NDUFA9: variants seen among roughly 807,000 people sequenced by gnomAD.
The protein encoded by NDUFA9 is NADH:ubiquinone oxidoreductase subunit A9, also known as NADH dehydrogenase [ubiquinone] 1 alpha subcomplex subunit 9, mitochondrial.
Under a neutral mutation model 45.9 loss-of-function variants are expected in NDUFA9, and 23 were observed. The observed-to-expected ratio is 0.50, with a 90% CI of 0.36 to 0.71. NDUFA9 has a LOEUF of 0.71. Ranked by LOEUF, NDUFA9 falls within the 30% of genes least tolerant of loss-of-function variation. The pLI, the probability that NDUFA9 is intolerant of heterozygous loss-of-function variation, is 0.00. For synonymous variants in NDUFA9, 176 were observed against 170.5 expected (o/e 1.03, Z -0.25); for missense variants, 466 against 488.2 (o/e 0.95, Z 0.43).
chr12:4,673,515 G>T (rs1306617509), intron 8 of NDUFA9, among the ~76,000 whole-genome samples: 5 of 152,128 alleles, frequency 3.3e-5, no homozygotes, highest in African/African-American at 1.2e-4. Context: ...CACAGCACGA[G>T]AACTTTGTGA....
chr12:4,649,639 A>G (rs532424490), intron 1 of NDUFA9, among the ~76,000 whole-genome samples: 1 of 152,296 alleles, frequency 6.6e-6, no homozygotes, highest in South Asian at 2.1e-4. Flanking sequence ...ATATTACAAT[A>G]CCAGGGAGTC....
In NDUFA9 at chr12:4,668,506, AG is replaced by A. The variant is rs749710181; in HGVS notation, c.706del (p.Val236LeufsTer8). 6.2e-7 allele frequency: 1 copy of A among 1,612,990 alleles called. No homozygotes were observed. Among genetic ancestry groups the A allele is most frequent in the South Asian group, 1.1e-5 (1 of 91,048 alleles). The stretch of plus-strand genomic sequence containing the variant: ...CCCTTGGTTCCTTGGGCTGGAAGAC[AG>A]TTAAACAACCAGTATATGTAAGTAC... ...IPLGSLGWKT[V>X]KQPVYVVDVS... On this transcript the variant is annotated frameshift_variant, in exon 7 of 11. Transcript: ENST00000266544. LOFTEE classifies it high-confidence loss of function.
At chr12:4,685,083 G>C (rs1332973925) in intron 9 of NDUFA9, 176 bp from the exon 10 acceptor site, 1 of 707,766 alleles carries the variant, frequency 1.4e-6, no homozygotes, top group Non-Finnish European at 2.6e-6. Context: ...GGCTTGAGAG[G>C]AGATGGACCA....
At chr12:4,682,161 T>G in intron 8 of NDUFA9, 44 bp from the exon 9 acceptor site, 35 of 1,408,640 alleles carry the variant, frequency 2.5e-5, no homozygotes, top group East Asian at 4.6e-5. Context: ...GGAAACTTTG[T>G]GAGAAGCGTG....
intron 8 of NDUFA9, among the ~76,000 whole-genome samples, chr12:4,678,286 A>G (rs1220294226): frequency 6.6e-6 from 1 of 152,198 alleles, no homozygotes; most frequent in Admixed American, 6.5e-5. Context: ...GTATAATTAA[A>G]AAAAAAATTT....
rs1390729528 is a variant in NDUFA9 at position 4,688,805 on chromosome 12, C to T, written c.*1697C>T. 1.3e-5 allele frequency: 2 copies of T among 152,204 alleles called. No homozygotes were observed. The highest frequency in any genetic ancestry group is 4.8e-5 in the African/African-American group (2 of 41,440). The allele number at this position is 152,204 out of a possible 1,614,324, so 9.4% of individuals were successfully genotyped here. On this transcript the variant is annotated 3_prime_UTR_variant, in exon 11 of 11. Transcript: ENST00000266544. Reference sequence around the variant, plus strand: ...GGAAAGGAACACAAACCCAACTTCACGTTTTTTCTTCAGATGCTGTCTGTT... The same window carrying T: ...GGAAAGGAACACAAACCCAACTTCATGTTTTTTCTTCAGATGCTGTCTGTT...
At position 4,652,323 on chromosome 12, in the gene NDUFA9, AAAAC is replaced by A. The variant is rs147230662; in HGVS notation, c.50-1956_50-1953del. 3.5e-3 allele frequency among the ~76,000 whole-genome samples: 535 copies of A among 152,334 alleles called. 2 individuals are homozygous for A. Among genetic ancestry groups the A allele is most frequent in the African/African-American group, 0.012 (510 of 41,564 alleles). ...AGCACATAAATGTTAACTCATATTTAAAACAAACAAACAAACCTATTCCTGTCCT... is the reference window on the plus strand; with the variant it reads ...AGCACATAAATGTTAACTCATATTTAAAACAAACAAACCTATTCCTGTCCT... On this transcript the variant is annotated intron_variant, in intron 1 of 10. Transcript: ENST00000266544.
intron 3 of NDUFA9, 186 bp from the exon 4 acceptor site, chr12:4,657,562 G>T (rs183698441): frequency 1.1e-5 from 6 of 570,976 alleles, no homozygotes; most frequent in African/African-American, 9.4e-5. Flanking sequence ...CTCGGAAAGA[G>T]TGAGGGAATC....
chr12:4,670,422 A>G (rs1945879394), intron 8 of NDUFA9, among the ~76,000 whole-genome samples: 2 of 152,226 alleles, frequency 1.3e-5, no homozygotes, highest in Non-Finnish European at 2.9e-5. Flanking sequence ...GTTGAGAGGT[A>G]TCAAATTCAC....
intron 10 of NDUFA9, among the ~76,000 whole-genome samples, chr12:4,686,696 G>A (rs933092396): frequency 2.0e-5 from 3 of 152,052 alleles, no homozygotes; most frequent in African/African-American, 7.3e-5. Flanking sequence ...CTGTGCTCGC[G>A]GCTGCCACTG....
At position 4,654,218 on chromosome 12, in the gene NDUFA9, A is replaced by G; in HGVS notation, c.50-74A>G. On this transcript the variant is annotated intron_variant, in intron 1 of 10. Coordinates refer to ENST00000266544, the MANE Select transcript of NDUFA9 (RefSeq NM_005002.5). ...AATAATGTTACAAGTTTTTAGAGAA[A>G]GGAGCTATTTGTGTTGACAGTTTTA... 5 of 1,392,732 alleles carry G rather than the reference A, an allele frequency of 3.6e-6. No individual in the cohort carries two copies. In the South Asian group the frequency reaches 6.8e-5, roughly 19 times the overall value. 86.3% of individuals were successfully genotyped at this position (1,392,732 alleles called of 1,614,324 possible).
intron 6 of NDUFA9, among the ~76,000 whole-genome samples, chr12:4,662,954 CTG>C: frequency 6.6e-6 from 1 of 152,110 alleles, no homozygotes; most frequent in Non-Finnish European, 1.5e-5. Flanking sequence ...CTAAAATCCC[CTG>C]TGTTATATGT....
rs748147127 is a variant in NDUFA9 at position 4,654,469 on chromosome 12, A to C, written c.220+7A>C. 6.2e-7 allele frequency: 1 copy of C among 1,613,806 alleles called. No homozygotes were observed. Among genetic ancestry groups the C allele is most frequent in the Non-Finnish European group, 8.5e-7 (1 of 1,179,748 alleles). Reference sequence around the variant, plus strand: ...TATGTTGTCAACCACCTTGGTAAGTAAAGTTCCTTAAGTTCATATGCTCCA... The same window carrying C: ...TATGTTGTCAACCACCTTGGTAAGTCAAGTTCCTTAAGTTCATATGCTCCA... On this transcript the variant is annotated splice_region_variant and intron_variant, in intron 2 of 10. Coordinates refer to ENST00000266544, the MANE Select transcript of NDUFA9 (RefSeq NM_005002.5).
chr12:4,662,931 T>C (rs1945831944), intron 6 of NDUFA9, among the ~76,000 whole-genome samples: 1 of 152,204 alleles, frequency 6.6e-6, no homozygotes, highest in Admixed American at 6.5e-5. Context: ...TCACATGGAA[T>C]AGTTTCTCTA....
chr12:4,662,765 C>T, intron 6 of NDUFA9, 130 bp downstream of exon 6: 2 of 628,344 alleles, frequency 3.2e-6, no homozygotes, highest in Non-Finnish European at 5.5e-6. Context: ...CTTTTCCTCC[C>T]CTAAGTTTAT....
intron 8 of NDUFA9, among the ~76,000 whole-genome samples, chr12:4,681,672 A>G (rs571514136): frequency 6.6e-6 from 1 of 151,138 alleles, no homozygotes; most frequent in East Asian, 1.9e-4. Flanking sequence ...AGCAGTTTAG[A>G]AGTATTCAAT....
chr12:4,654,200 T>G, intron 1 of NDUFA9, 92 bp from the exon 2 acceptor site: 1 of 1,262,484 alleles, frequency 7.9e-7, no homozygotes, highest in South Asian at 1.5e-5. Flanking sequence ...CAAAATAATG[T>G]TACAAGTTTT....
intron 8 of NDUFA9, among the ~76,000 whole-genome samples, chr12:4,680,919 C>G (rs961984531): frequency 2.0e-5 from 3 of 152,140 alleles, no homozygotes; most frequent in Non-Finnish European, 2.9e-5. Flanking sequence ...TCGTACAGAA[C>G]TATTCAGATT....
intron 8 of NDUFA9, among the ~76,000 whole-genome samples, chr12:4,681,586 A>G (rs1030317556): frequency 1.1e-4 from 17 of 148,476 alleles, no homozygotes; most frequent in African/African-American, 3.7e-4. Context: ...TTACATATAT[A>G]TAATTATAAT....
Sources: gnomAD v4.1 joint callset for allele counts (sites outside exome capture counted in the v4.1 genomes callset) on GRCh38, gnomAD v4.1.1 for gene constraint, MANE v1.5 for transcripts, NCBI Gene and HGNC (gene_info 2026-07-23, HGNC 2026-07-21) for gene names.